TAFA5: variants seen among roughly 807,000 people sequenced by gnomAD.
TAFA5 encodes TAFA chemokine like family member 5.
Under a neutral mutation model 15.3 loss-of-function variants are expected in TAFA5, and 6 were observed. The ratio of observed to expected loss-of-function variants is 0.39; its 90% CI spans 0.21 to 0.77. The LOEUF (loss-of-function observed/expected upper bound fraction) is 0.77, where lower values mean the gene tolerates loss of function less well. TAFA5 is among the 30% of genes least tolerant of loss of function. The pLI, the probability that TAFA5 is intolerant of heterozygous loss-of-function variation, is 0.41. For missense variants in TAFA5, 161 were observed against 193.1 expected, an observed-to-expected ratio of 0.83 and a Z score of 0.98; for synonymous variants, 103 against 80.7, an observed-to-expected ratio of 1.28 and a Z score of -1.48.
chr22:48,590,578 G>A (rs1924531257), intron 1 of TAFA5, among the ~76,000 whole-genome samples: 1 of 152,160 alleles, frequency 6.6e-6, no homozygotes, highest in Non-Finnish European at 1.5e-5. Context: ...GTAGAGAAGG[G>A]GCTGAGCCTG....
chr22:48,539,598 G>A (rs1922288503), intron 1 of TAFA5: 1 of 420,490 alleles, frequency 2.4e-6, no homozygotes, highest in African/African-American at 2.0e-5. Context: ...AATCGGGAAG[G>A]ACGAGGAAGG....
At position 48,616,141 on chromosome 22, in the gene TAFA5, C is replaced by A. The variant is rs150217103; in HGVS notation, c.113-30456C>A. ...CTGGGGATCACTCCAACAGAGCTCA[C>A]CAGCCCCGGGGCTGCTCAGGAGTGG... On this transcript the variant is annotated intron_variant, in intron 1 of 3. Transcript: ENST00000402357. 3.3e-3 allele frequency among the ~76,000 whole-genome samples: 495 copies of A among 152,096 alleles called. 1 individual carries two copies. The highest frequency in any genetic ancestry group is 6.7e-3 in the Admixed American group (102 of 15,290).
chr22:48,658,521 G>C (rs946269504), intron 2 of TAFA5, among the ~76,000 whole-genome samples: 8 of 152,224 alleles, frequency 5.3e-5, no homozygotes, highest in Non-Finnish European at 1.2e-4. Flanking sequence ...CAGTTGATGC[G>C]GCCGGCAGGT....
chr22:48,538,422 G>A (rs772488849), intron 1 of TAFA5, among the ~76,000 whole-genome samples: 2 of 152,208 alleles, frequency 1.3e-5, no homozygotes, highest in Non-Finnish European at 2.9e-5. Context: ...ATTGGCTGGC[G>A]AGCTTTCCCT....
chr22:48,561,310 G>A (rs1322317566), intron 1 of TAFA5, among the ~76,000 whole-genome samples: 1 of 152,150 alleles, frequency 6.6e-6, no homozygotes, highest in Admixed American at 6.5e-5. Flanking sequence ...GGATAGCCGA[G>A]TCCCCTGGCT....
intron 3 of TAFA5, among the ~76,000 whole-genome samples, chr22:48,722,901 A>G (rs1044626751): frequency 6.6e-6 from 1 of 152,182 alleles, no homozygotes; most frequent in Admixed American, 6.5e-5. Flanking sequence ...GAGGCTGTGC[A>G]AGGAGTGAGT....
At chr22:48,535,528 T>C (rs901328782) in intron 1 of TAFA5, among the ~76,000 whole-genome samples, 10 of 152,248 alleles carry the variant, frequency 6.6e-5, no homozygotes, top group Non-Finnish European at 8.8e-5. Flanking sequence ...CAGGCACATG[T>C]ATGAGCACTC....
chr22:48,500,241 A>G lies in TAFA5; in HGVS notation c.112+10537A>G, dbSNP rs530416930. 2.0e-5 allele frequency among the ~76,000 whole-genome samples: 3 copies of G among 152,240 alleles called. No homozygotes were observed. In the South Asian group the frequency reaches 6.2e-4, roughly 32 times the overall value. On this transcript the variant is annotated intron_variant, in intron 1 of 3. Coordinates refer to ENST00000402357, the MANE Select transcript of TAFA5 (RefSeq NM_001082967.3). ...CAGACTCCAAGGCCCCATAATGCAG[A>G]TGGCAGGCTCGTCTGGGCCCTGACC...
At chr22:48,651,001 C>T (rs751666158) in intron 2 of TAFA5, among the ~76,000 whole-genome samples, 6 of 152,252 alleles carry the variant, frequency 3.9e-5, no homozygotes, top group Non-Finnish European at 7.3e-5. Context: ...CCGAGTCCAG[C>T]GCTCACCCAG....
intron 1 of TAFA5, among the ~76,000 whole-genome samples, chr22:48,597,474 C>T (rs1439218855): frequency 6.6e-6 from 1 of 151,444 alleles, no homozygotes; most frequent in Non-Finnish European, 1.5e-5. Flanking sequence ...ACCACGCCAC[C>T]ATGGCCTGCA....
chr22:48,680,212 C>A (rs541973664), intron 2 of TAFA5, among the ~76,000 whole-genome samples: 5 of 152,360 alleles, frequency 3.3e-5, no homozygotes, highest in Non-Finnish European at 7.3e-5. Flanking sequence ...GGCCTGTCTT[C>A]TTTGCTGGAA....
intron 2 of TAFA5, among the ~76,000 whole-genome samples, chr22:48,701,926 G>C (rs539961011): frequency 1.3e-5 from 2 of 152,220 alleles, no homozygotes; most frequent in Non-Finnish European, 2.9e-5. Flanking sequence ...GCGTCATCCC[G>C]GGGACTGGGG....
chr22:48,569,965 C>A (rs1569029122), intron 1 of TAFA5, among the ~76,000 whole-genome samples: 1 of 152,270 alleles, frequency 6.6e-6, no homozygotes, highest in Non-Finnish European at 1.5e-5. Context: ...CCCCCGCACA[C>A]ATAGCCGCGG....
intron 2 of TAFA5, among the ~76,000 whole-genome samples, chr22:48,675,205 C>T (rs1011073513): frequency 3.9e-5 from 6 of 152,304 alleles, no homozygotes; most frequent in Non-Finnish European, 7.4e-5. Flanking sequence ...GCCTCCGAAG[C>T]TCTGTGGCCT....
chr22:48,619,509 C>G lies in TAFA5; in HGVS notation c.113-27088C>G, dbSNP rs192504266. Among the ~76,000 whole-genome samples the G allele has an allele frequency of 5.3e-5, 8 of 152,344 alleles. No homozygotes were observed. The East Asian group carries it at 1.5e-3, about 29-fold the overall frequency. On this transcript the variant is annotated intron_variant, in intron 1 of 3. Transcript: ENST00000402357. The stretch of plus-strand genomic sequence containing the variant: ...TAGCTGGGACTACAGGTGCCCACCA[C>G]CACACCCAGCTAATTTTTGTATTTT...
At chr22:48,740,836 AGGG>A (rs979380176) in intron 3 of TAFA5, among the ~76,000 whole-genome samples, 4 of 152,102 alleles carry the variant, frequency 2.6e-5, no homozygotes, top group African/African-American at 9.7e-5. Context: ...CCCTGTTCTC[AGGG>A]GAGCTCAGTG....
intron 3 of TAFA5, among the ~76,000 whole-genome samples, chr22:48,747,585 G>A (rs577969907): frequency 2.5e-4 from 38 of 152,162 alleles, no homozygotes; most frequent in African/African-American, 7.5e-4. Flanking sequence ...GGAACCTTTA[G>A]TATGGGCTCC....
rs765523370 is a variant in TAFA5, at chr22:48,646,736, C to T, written c.252C>T (p.Ala84=). ...QIAGTTRARP[A]CVDARIIKTK... ...CCGGCACCACGAGAGCCCGGCCCGC[C>T]TGTGTGGACGGTAAGCACCCGTGGC... is the stretch of plus-strand genomic sequence containing the variant. Residue 84 remains alanine, a synonymous_variant, in exon 2 of 4, where the codon GCC becomes GCT. Transcript: ENST00000402357. The T allele has an allele frequency of 1.9e-6, 3 of 1,581,194 alleles. No homozygotes were observed. In the South Asian group the frequency reaches 3.4e-5, roughly 18 times the overall value.
intron 1 of TAFA5, among the ~76,000 whole-genome samples, chr22:48,617,829 G>A (rs549504285): frequency 8.1e-6 from 1 of 123,164 alleles, no homozygotes; most frequent in East Asian, 2.5e-4. Context: ...AGTCCCCTCT[G>A]TACCACCCCC....
Sources: allele counts gnomAD v4.1 joint callset (sites outside exome capture counted in the v4.1 genomes callset), GRCh38; gene constraint gnomAD v4.1.1; transcripts MANE v1.5; gene names NCBI Gene and HGNC (gene_info 2026-07-23, HGNC 2026-07-21).